SEC24D: variants seen among roughly 807,000 people sequenced by gnomAD.
SEC24D encodes protein transport protein Sec24D.
In SEC24D, 69 loss-of-function variants were observed where a neutral mutation model predicts 116.9. That is an observed-to-expected ratio of 0.59 (90% CI 0.49 to 0.72). The LOEUF is 0.72. Ranked by LOEUF, SEC24D falls within the 30% of genes least tolerant of loss-of-function variation. The probability of loss-of-function intolerance (pLI) is 0.00; values close to 1 mark genes in which losing one functional copy is unlikely to be tolerated. For missense variants in SEC24D, 1,131 were observed against 1,264.1 expected (o/e 0.89, Z 1.60); for synonymous variants, 405 against 442.8 (o/e 0.91, Z 1.07).
At chr4:118,733,244 G>T (rs1244252069) in intron 19 of SEC24D, 7 of 162,438 alleles carry the variant, frequency 4.3e-5, no homozygotes, top group East Asian at 1.8e-4. Flanking sequence ...TTTTCTCAGT[G>T]TTTTTTTTTT....
At chr4:118,775,524 A>G (rs11730728) in intron 8 of SEC24D, among the ~76,000 whole-genome samples, 39,161 of 151,922 alleles carry the variant, frequency 0.26, 6,503 homozygotes, top group Non-Finnish European at 0.36. Flanking sequence ...CCAGCAGGCA[A>G]GTAGCCTTGA....
intron 8 of SEC24D, among the ~76,000 whole-genome samples, chr4:118,773,713 G>A (rs1419142665): frequency 6.6e-6 from 1 of 152,158 alleles, no homozygotes; most frequent in Non-Finnish European, 1.5e-5. Flanking sequence ...TATGCCCAGA[G>A]GCGAAAAGGA....
At chr4:118,797,548 T>TA in intron 8 of SEC24D, 135 bp downstream of exon 8, 1 of 696,152 alleles carries the variant, frequency 1.4e-6, no homozygotes, top group Non-Finnish European at 2.2e-6. Context: ...TGAATTCAAT[T>TA]ACTAGATGTT....
At chr4:118,729,613 T>C (rs116030177) in intron 21 of SEC24D, 5,922 of 152,302 alleles carry the variant, frequency 0.039, 169 homozygotes, top group Non-Finnish European at 0.061. Flanking sequence ...ATCTGGTTAG[T>C]GGTCTACAGG....
At chr4:118,825,713 T>C in intron 2 of SEC24D, 1 of 403,054 alleles carries the variant, frequency 2.5e-6, no homozygotes, top group Non-Finnish European at 4.8e-6. Context: ...AAACTTCAGT[T>C]CTTCTATCTG....
intron 8 of SEC24D, among the ~76,000 whole-genome samples, chr4:118,777,092 A>ATTATTTATTTATTTATTTATTTAT (rs70944813): frequency 1.3e-5 from 2 of 148,548 alleles, no homozygotes; most frequent in African/African-American, 4.9e-5. Context: ...GAAGGTCTGA[A>ATTATTTATTTATTTATTTATTTAT]TTATTTATTT....
At chr4:118,800,783 G>A (rs147020505) in intron 7 of SEC24D, among the ~76,000 whole-genome samples, 1,619 of 152,234 alleles carry the variant, frequency 0.011, 31 homozygotes, top group African/African-American at 0.036. Context: ...CTGAGACACC[G>A]GGAGGTTATG....
intron 8 of SEC24D, among the ~76,000 whole-genome samples, chr4:118,775,835 T>C (rs1728107438): frequency 6.6e-6 from 1 of 152,196 alleles, no homozygotes; most frequent in African/African-American, 2.4e-5. Flanking sequence ...GAAGAGTTTT[T>C]AGAATTTTTG....
At chr4:118,752,179 C>T (rs944375554) in intron 12 of SEC24D, 90 bp from the exon 13 acceptor site, 3 of 835,910 alleles carry the variant, frequency 3.6e-6, no homozygotes, top group African/African-American at 1.7e-5. Flanking sequence ...CAAGCCTAAA[C>T]ACATATGGTA....
chr4:118,792,435 T>C (rs1197559449), intron 8 of SEC24D, among the ~76,000 whole-genome samples: 2 of 152,200 alleles, frequency 1.3e-5, no homozygotes, highest in Non-Finnish European at 2.9e-5. Flanking sequence ...ACGATGGCGA[T>C]TTTGTCGAAC....
intron 13 of SEC24D, among the ~76,000 whole-genome samples, chr4:118,748,393 T>G (rs1478302428): frequency 6.6e-6 from 1 of 152,202 alleles, no homozygotes; most frequent in East Asian, 1.9e-4. Context: ...TAATTCTAGA[T>G]CCATAATTTC....
chr4:118,819,448 G>A (rs190867533), intron 3 of SEC24D, among the ~76,000 whole-genome samples: 6,543 of 148,092 alleles, frequency 0.044, 194 homozygotes, highest in Non-Finnish European at 0.064. Flanking sequence ...GGAGAATGGC[G>A]TGAACCTGGG....
intron 6 of SEC24D, among the ~76,000 whole-genome samples, chr4:118,812,026 C>G (rs1267654157): frequency 2.0e-5 from 3 of 152,122 alleles, no homozygotes; most frequent in African/African-American, 7.2e-5. Flanking sequence ...GAAAATGTAG[C>G]AGAAGTAGCG....
At chr4:118,804,885 T>TACACACACACACACACACACACACACAC (rs71954957) in intron 7 of SEC24D, among the ~76,000 whole-genome samples, 1 of 140,910 alleles carries the variant, frequency 7.1e-6, no homozygotes, top group Non-Finnish European at 1.5e-5. Flanking sequence ...TATGCATGCA[T>TACACACACACACACACACACACACACAC]ACACACACAC....
chr4:118,777,127 T>TTTATTTA (rs1728174068), intron 8 of SEC24D, among the ~76,000 whole-genome samples: 1 of 116,054 alleles, frequency 8.6e-6, no homozygotes, highest in Non-Finnish European at 1.9e-5. Flanking sequence ...TTATTTATTT[T>TTTATTTA]TATTATACTT....
intron 11 of SEC24D, among the ~76,000 whole-genome samples, chr4:118,756,550 G>C (rs1478792089): frequency 6.6e-6 from 1 of 152,174 alleles, no homozygotes; most frequent in African/African-American, 2.4e-5. Context: ...AAAGAATACA[G>C]AGGAATGGGC....
At chr4:118,732,602 T>C (rs1339903251) in intron 20 of SEC24D, 131 bp downstream of exon 20, 1 of 846,490 alleles carries the variant, frequency 1.2e-6, no homozygotes, top group Non-Finnish European at 1.8e-6. Context: ...CCACACCATA[T>C]ATTTTGAAGG....
chr4:118,737,743 A>G (rs1315714282), intron 19 of SEC24D, among the ~76,000 whole-genome samples: 2 of 152,202 alleles, frequency 1.3e-5, no homozygotes, highest in Admixed American at 1.3e-4. Context: ...AGAATCTTCT[A>G]AAATTTCAAA....
intron 7 of SEC24D, among the ~76,000 whole-genome samples, chr4:118,804,885 TACACACACACAC>T (rs71954957): frequency 4.0e-4 from 56 of 141,004 alleles, no homozygotes; most frequent in Admixed American, 2.9e-3. Flanking sequence ...TATGCATGCA[TACACACACACAC>T]ACACACACAC....
Sources: allele counts gnomAD v4.1 joint callset (sites outside exome capture counted in the v4.1 genomes callset), GRCh38; gene constraint gnomAD v4.1.1; transcripts MANE v1.5; gene names NCBI Gene and HGNC (gene_info 2026-07-23, HGNC 2026-07-21).